The following USP34 variants were observed in gnomAD, a reference collection of about 807,000 sequenced individuals.
USP34 encodes the protein ubiquitin carboxyl-terminal hydrolase 34.
Under a neutral mutation model 460.3 loss-of-function variants are expected in USP34, and 70 were observed. The ratio of observed to expected loss-of-function variants is 0.15; its 90% CI spans 0.13 to 0.19. The LOEUF is 0.19. Among genes scored for constraint, USP34 ranks in the 10% least tolerant of loss-of-function variants. The pLI is 1.00. For synonymous variants in USP34, 1,647 were observed against 1,405.3 expected (o/e 1.17, Z -3.85); for missense variants, 3,985 against 4,236.2 (o/e 0.94, Z 1.65).
chr2:61,299,144 G>T (rs563119907), intron 29 of USP34, among the ~76,000 whole-genome samples: 43 of 151,908 alleles, frequency 2.8e-4, no homozygotes, highest in African/African-American at 9.4e-4. Flanking sequence ...GTACCATCAC[G>T]TGAGAAACTG....
chr2:61,221,641 A>C (rs2290324), intron 65 of USP34, 35 bp from the exon 66 acceptor site: 373,787 of 1,587,420 alleles, frequency 0.24, 45,607 homozygotes, highest in South Asian at 0.34. Context: ...TATTTAGATC[A>C]ATCTGAACCC....
chr2:61,189,094 T>A, intron 78 of USP34, 25 bp from the exon 79 acceptor site: 1 of 1,596,734 alleles, frequency 6.3e-7, no homozygotes, highest in Non-Finnish European at 8.5e-7. Context: ...ATAGGAACAT[T>A]TCAAATTCTA....
chr2:61,393,559 CA>C (rs1415546444), intron 5 of USP34, among the ~76,000 whole-genome samples: 1 of 151,854 alleles, frequency 6.6e-6, no homozygotes, highest in Non-Finnish European at 1.5e-5. Flanking sequence ...CATTTATTAC[CA>C]ATTTTAGTAA....
At chr2:61,209,979 TATAA>T (rs532540405) in intron 69 of USP34, among the ~76,000 whole-genome samples, 328 of 152,314 alleles carry the variant, frequency 2.2e-3, no homozygotes, top group African/African-American at 6.8e-3. Flanking sequence ...CTTATAAAGA[TATAA>T]ATACTTTTGT....
intron 13 of USP34, 152 bp from the exon 14 acceptor site, chr2:61,349,038 T>C: frequency 8.9e-7 from 1 of 1,123,956 alleles, no homozygotes; most frequent in East Asian, 2.6e-5. Flanking sequence ...CATTTGCTCA[T>C]GATTTCTAAA....
Position 61,265,164 on chromosome 2 carries a change from T to C in USP34, c.5778+233A>G, listed in dbSNP as rs1282946225. ...TGATATTCATTGTATACACTGAGCATGCATATTCCATAGCTGTGTTTTCCT... is the reference window on the plus strand; with the variant it reads ...TGATATTCATTGTATACACTGAGCACGCATATTCCATAGCTGTGTTTTCCT... On this transcript the variant is annotated intron_variant, in intron 43 of 79. Transcript: ENST00000398571. 1.3e-5 allele frequency: 6 copies of C among 472,118 alleles called. No individual in the cohort carries two copies. The East Asian group carries it at 2.0e-4, about 16-fold the overall frequency. 29.2% of individuals were successfully genotyped at this position (472,118 alleles called of 1,614,324 possible).
At chr2:61,330,420 T>C (rs1238543060) in intron 20 of USP34, among the ~76,000 whole-genome samples, 1 of 152,154 alleles carries the variant, frequency 6.6e-6, no homozygotes, top group Non-Finnish European at 1.5e-5. Context: ...ACAGTAAAAA[T>C]AAAATCTAGA....
chr2:61,467,520 A>G (rs1258050482), intron 1 of USP34, among the ~76,000 whole-genome samples: 1 of 151,382 alleles, frequency 6.6e-6, no homozygotes, highest in African/African-American at 2.4e-5. Flanking sequence ...ACCCAAAAAT[A>G]TGCACAATTT....
chr2:61,313,004 T>C (rs1195098910), intron 25 of USP34, among the ~76,000 whole-genome samples: 1 of 152,160 alleles, frequency 6.6e-6, no homozygotes, highest in Non-Finnish European at 1.5e-5. Flanking sequence ...TCTACAGATG[T>C]TAGGCAATTT....
At chr2:61,275,790 C>T (rs190215228) in intron 41 of USP34, among the ~76,000 whole-genome samples, 152 of 152,268 alleles carry the variant, frequency 1.0e-3, no homozygotes, top group Non-Finnish European at 1.6e-3. Flanking sequence ...ATGCACAACT[C>T]GTTTAACCTG....
At chr2:61,315,315 C>T (rs1376962646) in intron 23 of USP34, among the ~76,000 whole-genome samples, 2 of 151,994 alleles carry the variant, frequency 1.3e-5, no homozygotes, top group Non-Finnish European at 2.9e-5. Context: ...CTGAGAAAAC[C>T]ACTGCTTTCT....
intron 16 of USP34, among the ~76,000 whole-genome samples, chr2:61,341,274 T>C (rs1422674947): frequency 2.0e-5 from 3 of 152,192 alleles, no homozygotes; most frequent in Admixed American, 2.0e-4. Context: ...AACAAATCTT[T>C]TCACAGACAT....
At chr2:61,259,194 G>C (rs955307338) in intron 44 of USP34, among the ~76,000 whole-genome samples, 1 of 152,000 alleles carries the variant, frequency 6.6e-6, no homozygotes, top group African/African-American at 2.4e-5. Flanking sequence ...GGGAGGTGGA[G>C]GTTGCAGTGA....
chr2:61,188,972 C>A lies in USP34; in HGVS notation c.9971G>T (p.Arg3324Met). Residue 3324 changes from arginine (R) to methionine (M), a missense_variant, in exon 79 of 80, where the codon AGG (arginine) becomes ATG (methionine). Arg to Met is a moderately conservative substitution (Grantham distance 91). Around this residue, in one of 14 missense-constraint regions of USP34, gnomAD observed 506 missense variants for 439.0 expected, o/e 1.15. Transcript: ENST00000398571. ...PTLQELLSKC[R>M]TCLQQRNSLQ... Reference sequence around the variant, plus strand: ...TGAGTTTCTCTGTTGCAGACAAGTCCTGCATTTGCTTAAAAGCTCTTGCAG... The same window carrying A: ...TGAGTTTCTCTGTTGCAGACAAGTCATGCATTTGCTTAAAAGCTCTTGCAG... The A allele has an allele frequency of 6.2e-7, 1 of 1,614,172 alleles. No homozygotes were observed. Among genetic ancestry groups the A allele is most frequent in the Non-Finnish European group, 8.5e-7 (1 of 1,180,042 alleles).
At chr2:61,211,239 A>C (rs1687265848) in intron 69 of USP34, among the ~76,000 whole-genome samples, 1 of 152,232 alleles carries the variant, frequency 6.6e-6, no homozygotes, top group Non-Finnish European at 1.5e-5. Flanking sequence ...AGAAGAATTT[A>C]AGAAATTAGC....
At chr2:61,315,157 T>C (rs975485678) in intron 23 of USP34, among the ~76,000 whole-genome samples, 183 bp from the exon 24 acceptor site, 1 of 152,186 alleles carries the variant, frequency 6.6e-6, no homozygotes, top group African/African-American at 2.4e-5. Flanking sequence ...CTAAAAAATA[T>C]TTATACAGCA....
chr2:61,322,735 A>T (rs1330681705), intron 21 of USP34, among the ~76,000 whole-genome samples: 1 of 152,256 alleles, frequency 6.6e-6, no homozygotes, highest in Non-Finnish European at 1.5e-5. Context: ...TCAGTTTCTC[A>T]CTGAAACAGT....
chr2:61,405,430 CAT>C (rs1343711544), intron 3 of USP34, among the ~76,000 whole-genome samples: 1 of 151,842 alleles, frequency 6.6e-6, no homozygotes, highest in Non-Finnish European at 1.5e-5. Context: ...TATTAAGAGT[CAT>C]AAAATAAGCA....
chr2:61,261,432 TTA>T (rs1688875318), intron 43 of USP34, among the ~76,000 whole-genome samples: 1 of 152,084 alleles, frequency 6.6e-6, no homozygotes, highest in Non-Finnish European at 1.5e-5. Context: ...CTGACTCCAC[TTA>T]TATGAGGTAC....
Sources: allele counts gnomAD v4.1 joint callset (sites outside exome capture counted in the v4.1 genomes callset), GRCh38; gene constraint gnomAD v4.1.1; regional missense constraint gnomAD v4.1.1; transcripts MANE v1.5; gene names NCBI Gene and HGNC (gene_info 2026-07-23, HGNC 2026-07-21).